TMEM231: variants seen among roughly 807,000 people sequenced by gnomAD.
TMEM231 encodes transmembrane protein 231.
A neutral mutation model predicts 38.5 loss-of-function variants in TMEM231; 40 were observed. The observed-to-expected ratio is 1.04, with a 90% CI of 0.81 to 1.35. TMEM231 has a LOEUF of 1.35. TMEM231 is among the 40% of genes most tolerant of loss of function. The pLI is 0.00. For synonymous variants in TMEM231, 199 were observed against 181.7 expected (o/e 1.10, Z -0.77); for missense variants, 420 against 416.9 (o/e 1.01, Z -0.07).
upstream of TMEM231, chr16:75,556,256 T>C (rs1476478201): frequency 7.2e-7 from 1 of 1,385,766 alleles, no homozygotes; most frequent in Admixed American, 3.4e-5. Flanking sequence ...CAAGTTTGGC[T>C]TCTCCTGGTT....
At chr16:75,546,982 A>C (rs1017310257) in intron 2 of TMEM231, among the ~76,000 whole-genome samples, 1 of 152,174 alleles carries the variant, frequency 6.6e-6, no homozygotes, top group Non-Finnish European at 1.5e-5. Context: ...AAAAGACAAA[A>C]TACAGCTTAT....
In TMEM231 at chr16:75,542,573, C is replaced by T. The variant is rs376196487; in HGVS notation, c.664+29G>A. ...CACTAACCTTGAAAGTCCTGAGCAG[C>T]GGCTGAATGGGCTCTACCTGTGACT... On this transcript the variant is annotated intron_variant, in intron 5 of 6. Transcript: ENST00000258173. The T allele has an allele frequency of 1.4e-4, 229 of 1,597,228 alleles. No individual in the cohort carries two copies. In the South Asian group the frequency reaches 2.3e-3, roughly 16 times the overall value.
In TMEM231 at chr16:75,540,153, C is replaced by T. The variant is rs754352443; in HGVS notation, c.792G>A (p.Glu264=). 1.2e-5 allele frequency: 20 copies of T among 1,613,358 alleles called. No homozygotes were observed. In the Admixed American group the frequency reaches 2.0e-4, roughly 16 times the overall value. The change falls in exon 7 of 7, where the codon GAG becomes GAA. Residue 264 remains glutamate (E), a synonymous_variant. Coordinates refer to ENST00000258173, the MANE Select transcript of TMEM231 (RefSeq NM_001077418.3). ...ACTGCACCCAGGCGAACTTTACCAT[C>T]TCCCAGAATCCTGGCTGATAAGTAT... The part of the protein sequence containing the change: ...EVISYQPGFW[E]MVKFAWVQYV...
Position 75,556,053 on chromosome 16 carries a change from C to A in TMEM231, c.139+18G>T. The A allele has an allele frequency of 6.4e-7, 1 of 1,563,832 alleles. No homozygotes were observed. Among genetic ancestry groups the A allele is most frequent in the Non-Finnish European group, 8.7e-7 (1 of 1,155,010 alleles). On this transcript the variant is annotated intron_variant, in intron 1 of 6. Coordinates refer to ENST00000258173, the MANE Select transcript of TMEM231 (RefSeq NM_001077418.3). ...GCGCCCGGGGAGCCTCGTGGCACAG[C>A]GGCCGGGGCAGGCTCACCGTGGCTC... is the stretch of plus-strand genomic sequence containing the variant.
intron 2 of TMEM231, among the ~76,000 whole-genome samples, chr16:75,549,917 C>T (rs2151705877): frequency 6.6e-6 from 1 of 152,286 alleles, no homozygotes; most frequent in Non-Finnish European, 1.5e-5. Flanking sequence ...CCGTGTTGGC[C>T]AGGCTATTCT....
At chr16:75,554,692 TTC>T (rs976749526) in intron 2 of TMEM231, among the ~76,000 whole-genome samples, 2 of 152,198 alleles carry the variant, frequency 1.3e-5, no homozygotes, top group East Asian at 1.9e-4. Context: ...AGCCTTCAAT[TTC>T]TGTCATTATA....
intron 4 of TMEM231, among the ~76,000 whole-genome samples, chr16:75,545,148 G>A (rs533328918): frequency 6.6e-6 from 1 of 151,686 alleles, no homozygotes; most frequent in African/African-American, 2.4e-5. Flanking sequence ...TAGAGACAGG[G>A]TTTCACCAGG....
intron 2 of TMEM231, among the ~76,000 whole-genome samples, chr16:75,550,618 C>CTT (rs1251634730): frequency 1.3e-5 from 2 of 151,952 alleles, no homozygotes; most frequent in African/African-American, 4.8e-5. Flanking sequence ...TGATGTGTGA[C>CTT]TTTTTTCCCC....
At position 75,556,137 on chromosome 16, in the gene TMEM231, G is replaced by C. The variant is rs951457866; in HGVS notation, c.73C>G (p.Leu25Val). The change falls in exon 1 of 7, where the codon CTG becomes GTG. Residue 25 changes from leucine (L) to valine (V), a missense_variant. Leu to Val is a conservative substitution (Grantham distance 32). Transcript: ENST00000258173. ...AGCGCAGCGGCCAGCAGCAGGAACA[G>C]CGCGGCTTTGGAGCAGAGCCCCGCG... ...YRAGLCSKAA[L>V]FLLLAAALTY... The C allele has an allele frequency of 2.5e-6, 4 of 1,579,114 alleles. No homozygotes were observed. Among genetic ancestry groups the C allele is most frequent in the Non-Finnish European group, 3.4e-6 (4 of 1,164,844 alleles).
chr16:75,548,365 T>A (rs1488564887), intron 2 of TMEM231, among the ~76,000 whole-genome samples: 2 of 152,220 alleles, frequency 1.3e-5, no homozygotes, highest in Non-Finnish European at 2.9e-5. Context: ...CAATAGTGTC[T>A]ACTTGTTAAA....
At chr16:75,548,615 T>C (rs2080720542) in intron 2 of TMEM231, among the ~76,000 whole-genome samples, 1 of 152,294 alleles carries the variant, frequency 6.6e-6, no homozygotes, top group East Asian at 1.9e-4. Flanking sequence ...ATGCCTATAA[T>C]CCCAGCACTT....
Position 75,556,113 on chromosome 16 carries a change from G to C in TMEM231, c.97C>G (p.Leu33Val). The change falls in exon 1 of 7, where the codon CTC becomes GTC. Residue 33 changes from leucine to valine, a missense_variant. Physicochemically the swap from Leu to Val is conservative, Grantham distance 32. Transcript: ENST00000258173. ...ACCAGCAGCGGCGGGATGTACGTGA[G>C]CGCAGCGGCCAGCAGCAGGAACAGC... Reference protein sequence around the residue: ...AALFLLLAAALTYIPPLLVAF... With the variant: ...AALFLLLAAAVTYIPPLLVAF... The C allele has an allele frequency of 6.4e-7, 1 of 1,572,354 alleles. No homozygotes were observed. Among genetic ancestry groups the C allele is most frequent in the Non-Finnish European group, 8.6e-7 (1 of 1,160,454 alleles).
Position 75,556,059 on chromosome 16 carries a change from G to C in TMEM231, c.139+12C>G. 2 of 1,566,526 alleles carry C rather than the reference G, an allele frequency of 1.3e-6. No homozygotes were observed. Among genetic ancestry groups the C allele is most frequent in the Non-Finnish European group, 1.7e-6 (2 of 1,156,362 alleles). On this transcript the variant is annotated intron_variant, in intron 1 of 6. Transcript: ENST00000258173. ...GGGGAGCCTCGTGGCACAGCGGCCG[G>C]GGCAGGCTCACCGTGGCTCCGGAAG...
intron 2 of TMEM231, among the ~76,000 whole-genome samples, chr16:75,550,542 T>A (rs1443036200): frequency 6.6e-6 from 1 of 152,140 alleles, no homozygotes; most frequent in African/African-American, 2.4e-5. Flanking sequence ...CAATACCTCA[T>A]AACCAGCACA....
intron 4 of TMEM231, among the ~76,000 whole-genome samples, chr16:75,544,389 G>GGTCC (rs2080659109): frequency 6.6e-6 from 1 of 152,186 alleles, no homozygotes; most frequent in Admixed American, 6.5e-5. Flanking sequence ...TAAGCCACAT[G>GGTCC]GATGCCTGGC....
In TMEM231 at chr16:75,555,853, G is replaced by C; in HGVS notation, c.260C>G (p.Pro87Arg). ...ATCCCCTTGCAGCCGGTTGAAGGCG[G>C]GGAACGTGCTCCAGGCGAGGAACCC... ...SDGFLAWSTF[P>R]AFNRLQGDRL... The change falls in exon 2 of 7, where the codon CCC becomes CGC. Residue 87 changes from proline (P) to arginine (R), a missense_variant. By Grantham distance (103) the Pro-to-Arg change is moderately radical (BLOSUM62 -2). Transcript: ENST00000258173. The C allele has an allele frequency of 6.3e-7, 1 of 1,583,556 alleles. No homozygotes were observed. The highest frequency in any genetic ancestry group is 8.6e-7 in the Non-Finnish European group (1 of 1,165,228).
rs1202833405 is a variant in TMEM231 at position 75,545,884 on chromosome 16, T to G, written c.380A>C (p.Gln127Pro). ...MLHFKLELPL[Q>P]STEHVLGVQL... ...CACACCGAGAACGTGCTCCGTGGAC[T>G]GCAGGGGAAGCTCCAGCTTAAAATG... Residue 127 changes from glutamine to proline, a missense_variant, in exon 3 of 7, where the codon CAG (glutamine) becomes CCG (proline). Transcript: ENST00000258173. 3 of 1,467,672 alleles carry G rather than the reference T, an allele frequency of 2.0e-6. No homozygotes were observed. Among genetic ancestry groups the G allele is most frequent in the Admixed American group, 4.5e-5 (2 of 44,222 alleles). 90.9% of individuals were successfully genotyped at this position (1,467,672 alleles called of 1,614,324 possible).
chr16:75,555,517 C>T (rs569955502), intron 2 of TMEM231: 117 of 392,888 alleles, frequency 3.0e-4, no homozygotes, highest in African/African-American at 2.2e-3. Flanking sequence ...GGGTGTGACC[C>T]GGGCAGACAC....
At chr16:75,554,803 A>G (rs2080794155) in intron 2 of TMEM231, 1 of 152,248 alleles carries the variant, frequency 6.6e-6, no homozygotes, top group African/African-American at 2.4e-5. Context: ...AACCTGAATC[A>G]TATTAGGTTG....
Sources: gnomAD v4.1 joint callset for allele counts (sites outside exome capture counted in the v4.1 genomes callset) on GRCh38, gnomAD v4.1.1 for gene constraint, MANE v1.5 for transcripts, NCBI Gene and HGNC (gene_info 2026-07-23, HGNC 2026-07-21) for gene names.